The following ASAP3 variants were observed in gnomAD, a reference collection of about 807,000 sequenced individuals.
ASAP3 encodes the protein ArfGAP with SH3 domain, ankyrin repeat and PH domain 3.
A neutral mutation model predicts 118.2 loss-of-function variants in ASAP3; 85 were observed. The observed-to-expected ratio is 0.72, with a 90% CI of 0.60 to 0.86. The LOEUF (loss-of-function observed/expected upper bound fraction) is 0.86. Among genes scored for constraint, ASAP3 ranks in the 40% least tolerant of loss-of-function variants. ASAP3 has a pLI of 0.00. For synonymous variants in ASAP3, 432 were observed against 477.4 expected (o/e 0.90, Z 1.24); for missense variants, 1,026 against 1,175.0 (o/e 0.87, Z 1.85).
chr1:23,462,525 C>A (rs926801104), intron 1 of ASAP3, among the ~76,000 whole-genome samples: 6 of 151,668 alleles, frequency 4.0e-5, no homozygotes, highest in African/African-American at 7.3e-5. Flanking sequence ...GTAATCCCAG[C>A]ACTTTGGGAG....
At chr1:23,430,884 C>T in intron 24 of ASAP3, 151 bp downstream of exon 24, 1 of 750,604 alleles carries the variant, frequency 1.3e-6, no homozygotes, top group Non-Finnish European at 2.1e-6. Flanking sequence ...ACCTGGGCAC[C>T]AGGACAGGGA....
intron 5 of ASAP3, among the ~76,000 whole-genome samples, chr1:23,446,110 G>A (rs1054808526): frequency 2.0e-5 from 3 of 152,160 alleles, no homozygotes; most frequent in Non-Finnish European, 4.4e-5. Context: ...TATCTGCGGG[G>A]GTCCTGGAAC....
intron 1 of ASAP3, among the ~76,000 whole-genome samples, chr1:23,480,910 C>T (rs1642286200): frequency 6.6e-6 from 1 of 152,144 alleles, no homozygotes; most frequent in African/African-American, 2.4e-5. Flanking sequence ...CATAATTGAA[C>T]ACAAAAAACT....
At chr1:23,452,827 G>T in intron 3 of ASAP3, 56 bp from the exon 4 acceptor site, 1 of 1,539,870 alleles carries the variant, frequency 6.5e-7, no homozygotes. Context: ...CCAGCCCCTA[G>T]GGATTCGGTG....
At chr1:23,483,950 G>A in intron 1 of ASAP3, 55 bp downstream of exon 1, 3 of 1,244,182 alleles carry the variant, frequency 2.4e-6, no homozygotes, top group Non-Finnish European at 3.0e-6. Context: ...CGCCTGTGGA[G>A]GTCAAGGCCA....
intron 1 of ASAP3, among the ~76,000 whole-genome samples, chr1:23,479,171 G>A (rs114451074): frequency 0.018 from 2,722 of 152,266 alleles, 83 homozygotes; most frequent in African/African-American, 0.061. Flanking sequence ...TCTAGTGTCC[G>A]GTTACCTTTA....
At chr1:23,457,802 C>T (rs373237408) in intron 1 of ASAP3, among the ~76,000 whole-genome samples, 3 of 152,298 alleles carry the variant, frequency 2.0e-5, no homozygotes, top group Admixed American at 2.0e-4. Context: ...CATGAGCCAC[C>T]GTGCCCGGGC....
chr1:23,459,170 C>CAAAAAAA (rs59149141), intron 1 of ASAP3, among the ~76,000 whole-genome samples: 8 of 68,228 alleles, frequency 1.2e-4, no homozygotes, highest in Middle Eastern at 0.01. Context: ...GACTCCATCT[C>CAAAAAAA]AAAAAAAAAA....
intron 1 of ASAP3, among the ~76,000 whole-genome samples, chr1:23,462,150 AGTAGCTGG>A (rs1173389340): frequency 1.3e-5 from 2 of 151,486 alleles, no homozygotes; most frequent in Non-Finnish European, 2.9e-5. Flanking sequence ...CAGCCTCCCG[AGTAGCTGG>A]GACTATAGGC....
rs761100777 is a variant in ASAP3 at position 23,433,330 on chromosome 1, CCCCCCGCCTCACCG to C, written c.2128-72_2128-59del. The C allele has an allele frequency of 3.1e-6, 5 of 1,608,772 alleles. No homozygotes were observed. In the South Asian group the frequency reaches 4.4e-5, roughly 14 times the overall value. Reference sequence around the variant, plus strand: ...CCTGGTTCCTCCGGTGTAGCCCTGTCCCCCCGCCTCACCGCCCCCGCCAACACACACCAGGCCCA... The same window carrying C: ...CCTGGTTCCTCCGGTGTAGCCCTGTCCCCCCGCCAACACACACCAGGCCCA... On this transcript the variant is annotated intron_variant, in intron 21 of 24. Coordinates refer to ENST00000336689, the MANE Select transcript of ASAP3 (RefSeq NM_017707.4).
intron 5 of ASAP3, among the ~76,000 whole-genome samples, chr1:23,447,170 G>A (rs894720565): frequency 6.6e-6 from 1 of 152,204 alleles, no homozygotes; most frequent in East Asian, 1.9e-4. Flanking sequence ...ACCTGTACCA[G>A]TCCATGGCCC....
rs765392966 is a variant in ASAP3 at position 23,436,059 on chromosome 1, A to G, written c.1572-31T>C. ...AAAAACAACCACAGGATCTCAGAGCATGGACCGTGTCTGCCCAGCTGATCC... is the reference window on the plus strand; with the variant it reads ...AAAAACAACCACAGGATCTCAGAGCGTGGACCGTGTCTGCCCAGCTGATCC... On this transcript the variant is annotated intron_variant, in intron 16 of 24. Transcript: ENST00000336689. This position sits in a 1 kb window ranked among gnomAD's most constrained non-coding sequence, Gnocchi z 4.2. 2 of 1,611,988 alleles carry G rather than the reference A, an allele frequency of 1.2e-6. No individual in the cohort carries two copies. Among genetic ancestry groups the G allele is most frequent in the Non-Finnish European group, 1.7e-6 (2 of 1,178,142 alleles).
intron 1 of ASAP3, among the ~76,000 whole-genome samples, chr1:23,460,236 G>A (rs138109623): frequency 6.6e-6 from 1 of 152,126 alleles, no homozygotes; most frequent in Non-Finnish European, 1.5e-5. Flanking sequence ...GCCGGGCACG[G>A]TGGTTCACGC....
rs764886971 is a variant in ASAP3 at position 23,436,042 on chromosome 1, C to T, written c.1572-14G>A. On this transcript the variant is annotated splice_polypyrimidine_tract_variant and intron_variant, in intron 16 of 24. Coordinates refer to ENST00000336689, the MANE Select transcript of ASAP3 (RefSeq NM_017707.4). The surrounding 1 kb of genome is among the most constrained non-coding windows in gnomAD (Gnocchi z 4.2). ...CTGCGGGTGCCCCTACCAAAAACAA[C>T]CACAGGATCTCAGAGCATGGACCGT... 28 of 1,613,678 alleles carry T rather than the reference C, an allele frequency of 1.7e-5. No individual in the cohort carries two copies. The highest frequency in any genetic ancestry group is 2.7e-5 in the African/African-American group (2 of 74,926).
At chr1:23,434,659 C>T in intron 17 of ASAP3, 41 bp from the exon 18 acceptor site, 1 of 1,579,828 alleles carries the variant, frequency 6.3e-7, no homozygotes, top group Non-Finnish European at 8.7e-7. Context: ...CCCCCCAGTG[C>T]ACCTGCCTCC....
intron 1 of ASAP3, among the ~76,000 whole-genome samples, chr1:23,471,274 G>A (rs974533226): frequency 2.0e-5 from 3 of 152,060 alleles, no homozygotes; most frequent in East Asian, 1.9e-4. Flanking sequence ...CATCTTTCCC[G>A]ACTCAACTTA....
intron 19 of ASAP3, 58 bp downstream of exon 19, chr1:23,434,196 G>C: frequency 6.5e-7 from 1 of 1,539,944 alleles, no homozygotes; most frequent in Non-Finnish European, 9.0e-7. Context: ...ACCATCGGAA[G>C]TCCACATAAG....
At chr1:23,455,807 AC>A in intron 3 of ASAP3, 73 bp downstream of exon 3, 1 of 1,572,006 alleles carries the variant, frequency 6.4e-7, no homozygotes, top group Non-Finnish European at 8.7e-7. Context: ...AAGGAAACGG[AC>A]CCTTTCCCAG....
Position 23,436,874 on chromosome 1 carries a change from C to T in ASAP3, c.1476+37G>A. On this transcript the variant is annotated intron_variant, in intron 15 of 24. Transcript: ENST00000336689. This position sits in a 1 kb window ranked among gnomAD's most constrained non-coding sequence, Gnocchi z 4.2. ...CCGGATGAAACTACACCCCTAACTCCGCTTCTGGCCCCTTCCAGGCCCCGC... is the reference window on the plus strand; with the variant it reads ...CCGGATGAAACTACACCCCTAACTCTGCTTCTGGCCCCTTCCAGGCCCCGC... 6.3e-7 allele frequency: 1 copy of T among 1,599,142 alleles called. No homozygotes were observed. The highest frequency in any genetic ancestry group is 8.5e-7 in the Non-Finnish European group (1 of 1,172,778).
Sources: gnomAD v4.1 joint callset for allele counts (sites outside exome capture counted in the v4.1 genomes callset) on GRCh38, gnomAD v4.1.1 for gene constraint, Gnocchi (gnomAD v3.1) non-coding constraint, MANE v1.5 for transcripts, NCBI Gene and HGNC (gene_info 2026-07-23, HGNC 2026-07-21) for gene names.